The following LARGE1 variants were observed in gnomAD, a reference collection of about 807,000 sequenced individuals.
LARGE1 encodes xylosyl- and glucuronyltransferase LARGE1.
LARGE1 carries 43 observed loss-of-function variants against 87.6 expected under a neutral mutation model. The observed-to-expected ratio is 0.49, with a 90% CI of 0.38 to 0.63. LARGE1 has a LOEUF of 0.63. Among genes scored for constraint, LARGE1 ranks in the 30% least tolerant of loss-of-function variants. LARGE1 has a pLI of 0.00. For synonymous variants in LARGE1, 434 were observed against 394.6 expected (o/e 1.10, Z -1.18); for missense variants, 802 against 1,000.2 (o/e 0.80, Z 2.67).
chr22:33,300,639 T>G (rs1934023439), intron 12 of LARGE1, among the ~76,000 whole-genome samples: 1 of 152,108 alleles, frequency 6.6e-6, no homozygotes, highest in Admixed American at 6.6e-5. Context: ...CTTCCGGGGT[T>G]CAAGCGATTC....
At chr22:33,534,175 C>T (rs1407119036) in intron 6 of LARGE1, among the ~76,000 whole-genome samples, 2 of 151,946 alleles carry the variant, frequency 1.3e-5, no homozygotes, top group Non-Finnish European at 2.9e-5. Context: ...GAGGCCGAGG[C>T]AGGCGGATCA....
At chr22:33,422,700 G>A (rs1018238373) in intron 7 of LARGE1, among the ~76,000 whole-genome samples, 1 of 151,960 alleles carries the variant, frequency 6.6e-6, no homozygotes, top group African/African-American at 2.4e-5. Flanking sequence ...TAGTAGAGAT[G>A]GGGTTTCACC....
chr22:33,174,382 G>C (rs1020385622), intron 11 of LARGE1, among the ~76,000 whole-genome samples: 1 of 152,114 alleles, frequency 6.6e-6, no homozygotes, highest in Non-Finnish European at 1.5e-5. Context: ...CCACATGAGA[G>C]AGCAGGAAAG....
At chr22:33,637,442 C>T (rs916452208) in intron 3 of LARGE1, among the ~76,000 whole-genome samples, 3 of 152,158 alleles carry the variant, frequency 2.0e-5, no homozygotes, top group Non-Finnish European at 4.4e-5. Context: ...TGGTAGCCAG[C>T]CTCCAAGACT....
intron 3 of LARGE1, among the ~76,000 whole-genome samples, chr22:33,629,388 G>C (rs141518129): frequency 6.6e-6 from 1 of 152,172 alleles, no homozygotes; most frequent in Non-Finnish European, 1.5e-5. Flanking sequence ...CCCATTAAAT[G>C]TAAGCACAAG....
intron 1 of LARGE1, among the ~76,000 whole-genome samples, chr22:33,839,215 G>A (rs1442987023): frequency 2.0e-5 from 3 of 152,202 alleles, no homozygotes; most frequent in East Asian, 3.8e-4. Context: ...ATGGTGGGAG[G>A]TAAAAGAGGA....
At chr22:33,369,007 A>T (rs1373779119) in intron 9 of LARGE1, among the ~76,000 whole-genome samples, 1 of 152,092 alleles carries the variant, frequency 6.6e-6, no homozygotes. Context: ...GTTGTGGCCA[A>T]TTTCTTAAAA....
chr22:33,826,421 C>T (rs2062786218), intron 1 of LARGE1, among the ~76,000 whole-genome samples: 1 of 151,306 alleles, frequency 6.6e-6, no homozygotes, highest in African/African-American at 2.4e-5. Context: ...CGGCTCGCTG[C>T]AACCTCCGCC....
intron 11 of LARGE1, among the ~76,000 whole-genome samples, chr22:33,251,674 C>T (rs114141967): frequency 0.012 from 1,873 of 152,236 alleles, 41 homozygotes; most frequent in African/African-American, 0.041. Context: ...AAAAGAGGTG[C>T]TATTATTTAG....
chr22:33,580,094 G>A (rs1219854448), intron 5 of LARGE1, among the ~76,000 whole-genome samples: 5 of 151,508 alleles, frequency 3.3e-5, no homozygotes, highest in African/African-American at 1.2e-4. Flanking sequence ...AAGGCGGCCG[G>A]GCGCAGTGGC....
At chr22:33,318,234 C>CAA (rs10635054) in intron 10 of LARGE1, among the ~76,000 whole-genome samples, 2,091 of 114,082 alleles carry the variant, frequency 0.018, 47 homozygotes, top group African/African-American at 0.06. Context: ...GACTCCATCT[C>CAA]AAAAAAAAAA....
intron 6 of LARGE1, among the ~76,000 whole-genome samples, chr22:33,487,871 C>G (rs906599770): frequency 2.6e-5 from 4 of 152,160 alleles, no homozygotes; most frequent in African/African-American, 9.7e-5. Context: ...TGTTATCTCC[C>G]TTTAAGCCTG....
intron 2 of LARGE1, among the ~76,000 whole-genome samples, chr22:33,760,655 C>T (rs1174362696): frequency 3.3e-5 from 5 of 152,230 alleles, no homozygotes; most frequent in African/African-American, 1.2e-4. Context: ...GGCGCAGTGG[C>T]TCACACTTGT....
chr22:33,712,637 AGTGTGTGTGTGTGTGTGT>A lies in LARGE1; in HGVS notation c.106+48716_106+48733del, dbSNP rs34754283. Among the ~76,000 whole-genome samples, 18 of 134,738 alleles carry A rather than the reference AGTGTGTGTGTGTGTGTGT, an allele frequency of 1.3e-4. 1 individual carries two copies. Among genetic ancestry groups the A allele is most frequent in the East Asian group, 1.1e-3 (5 of 4,472 alleles). 88.4% of individuals were successfully genotyped at this position (134,738 alleles called of 152,430 possible). ...ACAGAAATTGAGGGGTGAGGGGTAC[AGTGTGTGTGTGTGTGTGT>A]GTGTGTGTGTGTGTGTGTGTGTGTG... On this transcript the variant is annotated intron_variant, in intron 2 of 14. Transcript: ENST00000397394.
At chr22:33,721,858 T>C (rs1434264708) in intron 2 of LARGE1, among the ~76,000 whole-genome samples, 1 of 152,238 alleles carries the variant, frequency 6.6e-6, no homozygotes, top group Non-Finnish European at 1.5e-5. Flanking sequence ...ACCCCCATAC[T>C]GTTTTGTACT....
At chr22:33,282,547 G>C (rs1206753884) in intron 13 of LARGE1, among the ~76,000 whole-genome samples, 1 of 152,112 alleles carries the variant, frequency 6.6e-6, no homozygotes, top group Non-Finnish European at 1.5e-5. Context: ...CAGACTCCTG[G>C]GACACTGGGG....
chr22:33,501,393 C>T (rs1430586198), intron 6 of LARGE1, among the ~76,000 whole-genome samples: 1 of 152,018 alleles, frequency 6.6e-6, no homozygotes, highest in East Asian at 1.9e-4. Context: ...GAGCCAGGCC[C>T]TAGGGGGCAT....
chr22:33,509,327 A>G (rs576712649), intron 6 of LARGE1, among the ~76,000 whole-genome samples: 2 of 152,112 alleles, frequency 1.3e-5, no homozygotes, highest in African/African-American at 4.8e-5. Context: ...TCCCCATCTC[A>G]TCTGTCTCAT....
chr22:33,210,846 C>T (rs375589176), intron 11 of LARGE1, among the ~76,000 whole-genome samples: 1 of 152,242 alleles, frequency 6.6e-6, no homozygotes, highest in Admixed American at 6.5e-5. Flanking sequence ...TGCGGCTCCC[C>T]CAAAATGTGG....
Sources: allele counts gnomAD v4.1 joint callset (sites outside exome capture counted in the v4.1 genomes callset), GRCh38; gene constraint gnomAD v4.1.1; transcripts MANE v1.5; gene names NCBI Gene and HGNC (gene_info 2026-07-23, HGNC 2026-07-21).